The following GABRB3 variants were observed in gnomAD, a reference collection of about 807,000 sequenced individuals.
The protein encoded by GABRB3 is gamma-aminobutyric acid receptor subunit beta-3.
In GABRB3, 14 loss-of-function variants were observed where a neutral mutation model predicts 52.1. The observed-to-expected ratio is 0.27, with a 90% CI of 0.18 to 0.42. GABRB3 has a LOEUF of 0.42. GABRB3 is among the 10% of genes least tolerant of loss of function. The pLI, the probability that GABRB3 is intolerant of heterozygous loss-of-function variation, is 1.00. For missense variants in GABRB3, 307 were observed against 609.1 expected, an observed-to-expected ratio of 0.50 and a Z score of 5.22; for synonymous variants, 260 against 232.3, an observed-to-expected ratio of 1.12 and a Z score of -1.08.
chr15:26,621,214 T>G lies in GABRB3; in HGVS notation c.461+100A>C. 1 of 960,274 alleles carries G rather than the reference T, an allele frequency of 1.0e-6. No homozygotes were observed. Among genetic ancestry groups the G allele is most frequent in the Non-Finnish European group, 1.7e-6 (1 of 587,030 alleles). The allele number at this position is 960,274 out of a possible 1,614,324, so 59.5% of individuals were successfully genotyped here. A position where few individuals can be genotyped will look rare whatever the true frequency, so the allele number is the denominator to read the frequency against. ...TGCTTCATAGATGCTTCCTAATTTA[T>G]CTGAGGTCATTGCCTCACTTACAAT... On this transcript the variant is annotated intron_variant, in intron 4 of 8. Transcript: ENST00000311550. This position sits in a 1 kb window ranked among gnomAD's most constrained non-coding sequence, Gnocchi z 4.1.
intron 3 of GABRB3, among the ~76,000 whole-genome samples, chr15:26,752,957 T>TACC (rs1414660432): frequency 6.6e-6 from 1 of 152,210 alleles, no homozygotes; most frequent in Non-Finnish European, 1.5e-5. Context: ...ATAGCATCAC[T>TACC]ACCAGTACAC....
intron 3 of GABRB3, among the ~76,000 whole-genome samples, chr15:26,656,518 G>C (rs765824135): frequency 6.6e-6 from 1 of 152,212 alleles, no homozygotes; most frequent in African/African-American, 2.4e-5. Context: ...GCTGTGGTCT[G>C]GGACCAGTCC....
chr15:26,665,599 C>G (rs75506743), intron 3 of GABRB3, among the ~76,000 whole-genome samples: 4,081 of 152,176 alleles, frequency 0.027, 175 homozygotes, highest in African/African-American at 0.088. Context: ...GGAAATAAGG[C>G]AGAAAAAGGA....
chr15:26,708,105 T>C (rs139621819), intron 3 of GABRB3, among the ~76,000 whole-genome samples: 11 of 152,336 alleles, frequency 7.2e-5, no homozygotes, highest in African/African-American at 2.6e-4. Flanking sequence ...CTATAATACA[T>C]GACCAGGTCA....
chr15:26,606,792 A>ATCGATAGATAGATAGATATATC (rs1566770629), intron 4 of GABRB3, among the ~76,000 whole-genome samples: 6 of 54,794 alleles, frequency 1.1e-4, no homozygotes, highest in African/African-American at 2.0e-4. Flanking sequence ...ATATATCTAT[A>ATCGATAGATAGATAGATATATC]GATAGATATA....
At chr15:26,702,713 C>A (rs1888975927) in intron 3 of GABRB3, among the ~76,000 whole-genome samples, 1 of 152,134 alleles carries the variant, frequency 6.6e-6, no homozygotes, top group Non-Finnish European at 1.5e-5. Context: ...TGAGTATTTA[C>A]CCAAGAGAAA....
At chr15:26,714,760 T>C (rs1889414016) in intron 3 of GABRB3, among the ~76,000 whole-genome samples, 1 of 152,190 alleles carries the variant, frequency 6.6e-6, no homozygotes, top group South Asian at 2.1e-4. Context: ...TTTATTTTCC[T>C]TTCACACTAT....
chr15:26,592,095 C>G (rs1358195603), intron 4 of GABRB3, among the ~76,000 whole-genome samples: 1 of 152,150 alleles, frequency 6.6e-6, no homozygotes, highest in Non-Finnish European at 1.5e-5. Flanking sequence ...AACCCAGAGG[C>G]TTGAACGTAA....
At chr15:26,733,609 T>C (rs1889988740) in intron 3 of GABRB3, among the ~76,000 whole-genome samples, 1 of 152,342 alleles carries the variant, frequency 6.6e-6, no homozygotes, top group South Asian at 2.1e-4. Flanking sequence ...AACCCATTGA[T>C]GTTTTATGCA....
chr15:26,553,824 A>C (rs1889573891), intron 8 of GABRB3, among the ~76,000 whole-genome samples: 1 of 151,628 alleles, frequency 6.6e-6, no homozygotes, highest in African/African-American at 2.4e-5. Context: ...GACCTTAAAT[A>C]ATCAACAAGT....
chr15:26,705,310 A>G lies in GABRB3; in HGVS notation c.240+67092T>C, dbSNP rs529211223. 2.0e-5 allele frequency among the ~76,000 whole-genome samples: 3 copies of G among 152,318 alleles called. No homozygotes were observed. The South Asian group carries it at 6.2e-4, about 32-fold the overall frequency. On this transcript the variant is annotated intron_variant, in intron 3 of 8. Coordinates refer to ENST00000311550, the MANE Select transcript of GABRB3 (RefSeq NM_000814.6). ...CATCTGATCTCATTCACAGGGAAGA[A>G]GCCTCACCACCTCTTAAAGGCTACA...
intron 3 of GABRB3, among the ~76,000 whole-genome samples, chr15:26,743,679 C>T (rs1045361595): frequency 2.0e-5 from 3 of 152,038 alleles, no homozygotes; most frequent in Admixed American, 1.3e-4. Flanking sequence ...AAATGTAATC[C>T]GACAGCCTTA....
rs551550950 is a variant in GABRB3, at chr15:26,760,833, A to G, written c.240+11569T>C. 2.5e-3 allele frequency among the ~76,000 whole-genome samples: 375 copies of G among 152,194 alleles called. 1 individual carries two copies. Among genetic ancestry groups the G allele is most frequent in the African/African-American group, 8.5e-3 (354 of 41,502 alleles). ...CGCACACACACACACACACAAGCAA[A>G]CAAACAAAAACCCACCACAATTAAT... On this transcript the variant is annotated intron_variant, in intron 3 of 8. Transcript: ENST00000311550.
chr15:26,772,973 C>A lies in GABRB3; in HGVS notation c.-11G>T. ...CGCAAGGCCCCACATCCCTCCGCCG[C>A]GCCCCGGCACGGGGGAGGGGGCGCC... On this transcript the variant is annotated 5_prime_UTR_variant, in exon 1 of 9. Transcript: ENST00000311550. The A allele has an allele frequency of 7.1e-7, 1 of 1,405,312 alleles. No individual in the cohort carries two copies. The highest frequency in any genetic ancestry group is 9.3e-7 in the Non-Finnish European group (1 of 1,071,100). The allele number at this position is 1,405,312 out of a possible 1,614,324, so 87.1% of individuals were successfully genotyped here.
At chr15:26,592,058 G>T (rs533937440) in intron 4 of GABRB3, among the ~76,000 whole-genome samples, 2 of 152,276 alleles carry the variant, frequency 1.3e-5, no homozygotes, top group African/African-American at 2.4e-5. Flanking sequence ...GATGAATGTA[G>T]TTGGGGGGAT....
chr15:26,743,090 A>T (rs1890253649), intron 3 of GABRB3, among the ~76,000 whole-genome samples: 1 of 151,716 alleles, frequency 6.6e-6, no homozygotes, highest in Non-Finnish European at 1.5e-5. Context: ...CCAACACGCC[A>T]GGCCAATTTT....
chr15:26,763,395 C>T (rs1265697436), intron 3 of GABRB3, among the ~76,000 whole-genome samples: 1 of 152,148 alleles, frequency 6.6e-6, no homozygotes, highest in Non-Finnish European at 1.5e-5. Context: ...GGGCCATTGA[C>T]TCCAAGAATT....
intron 3 of GABRB3, among the ~76,000 whole-genome samples, chr15:26,622,607 G>C (rs940054066): frequency 6.6e-6 from 1 of 152,222 alleles, no homozygotes; most frequent in Non-Finnish European, 1.5e-5. Flanking sequence ...TGTGGACAGC[G>C]AGAGATGGAG....
At chr15:26,667,223 C>T (rs1247004483) in intron 3 of GABRB3, among the ~76,000 whole-genome samples, 1 of 152,208 alleles carries the variant, frequency 6.6e-6, no homozygotes, top group African/African-American at 2.4e-5. Context: ...ACGATTCCAG[C>T]CAAAGTCTCC....
Sources: gnomAD v4.1 joint callset for allele counts (sites outside exome capture counted in the v4.1 genomes callset) on GRCh38, gnomAD v4.1.1 for gene constraint, Gnocchi (gnomAD v3.1) non-coding constraint, MANE v1.5 for transcripts, NCBI Gene and HGNC (gene_info 2026-07-23, HGNC 2026-07-21) for gene names.